SRPX: variants seen among roughly 807,000 people sequenced by gnomAD.
The protein encoded by SRPX is sushi repeat containing protein X-linked, also known as sushi repeat-containing protein SRPX.
Under a neutral mutation model 38.1 loss-of-function variants are expected in SRPX, and 24 were observed. The ratio of observed to expected loss-of-function variants is 0.63; its 90% confidence interval spans 0.46 to 0.89. The LOEUF is 0.89. SRPX is among the 40% of genes least tolerant of loss of function. The probability of loss-of-function intolerance (pLI) is 0.00; values close to 1 mark genes in which losing one functional copy is unlikely to be tolerated. For synonymous variants in SRPX, 184 were observed against 153.8 expected, an observed-to-expected ratio of 1.20 and a Z score of -1.45; for missense variants, 416 against 377.8, an observed-to-expected ratio of 1.10 and a Z score of -0.84.
chrX:38,205,105 G>C (rs140103002), intron 1 of SRPX, among the ~76,000 whole-genome samples: 1,340 of 112,273 alleles, frequency 0.012, 31 homozygotes, highest in African/African-American at 0.042. Flanking sequence ...AGCAATTTGC[G>C]GGTGTCTGTC....
At chrX:38,187,223 T>C in intron 1 of SRPX, among the ~76,000 whole-genome samples, 2 of 112,352 alleles carry the variant, frequency 1.8e-5, no homozygotes, top group South Asian at 7.3e-4. Flanking sequence ...TGTAAAAATA[T>C]GACAAACTTA....
intron 1 of SRPX, among the ~76,000 whole-genome samples, chrX:38,202,698 C>T (rs1939134142): frequency 8.9e-6 from 1 of 111,999 alleles, no homozygotes; most frequent in South Asian, 3.7e-4. Flanking sequence ...ACAGCAGATA[C>T]TGTGTATAAC....
rs770522462 is a variant in SRPX, at chrX:38,154,570, C to A, written c.1103G>T (p.Gly368Val). 4.1e-6 allele frequency: 5 copies of A among 1,206,838 alleles called. No homozygotes were observed. In the African/African-American group the frequency reaches 8.8e-5, roughly 21 times the overall value. The change falls in exon 9 of 10, where the codon GGC (glycine) becomes GTC (valine). Residue 368 changes from glycine (G) to valine (V), a missense_variant. Transcript: ENST00000378533. ...CACGGTGATGTGTCGAAGATCAAGGCCACACTGTGCTTGCTGGGAAAAAGA... is the reference window on the plus strand; with the variant it reads ...CACGGTGATGTGTCGAAGATCAAGGACACACTGTGCTTGCTGGGAAAAAGA... ...QLGMLQQAQC[G>V]LDLRHITVVE...
intron 1 of SRPX, among the ~76,000 whole-genome samples, chrX:38,190,838 C>T (rs1938887884): frequency 9.0e-6 from 1 of 111,634 alleles, no homozygotes; most frequent in African/African-American, 3.3e-5. Flanking sequence ...CATTATTCCT[C>T]ATACCTATGT....
At chrX:38,160,863 G>A in intron 6 of SRPX, 70 bp downstream of exon 6, 5 of 1,157,618 alleles carry the variant, frequency 4.3e-6, no homozygotes, top group Non-Finnish European at 5.8e-6. Flanking sequence ...GAGAGTTCTG[G>A]CTTGAGGACC....
At chrX:38,150,217 G>T (rs966458546) in intron 9 of SRPX, among the ~76,000 whole-genome samples, 16 of 112,432 alleles carry the variant, frequency 1.4e-4, no homozygotes, top group African/African-American at 5.2e-4. Flanking sequence ...TAGTCAGGAA[G>T]ACTTCAGGCG....
Position 38,164,883 on chromosome X carries a change from G to A in SRPX, c.539C>T (p.Pro180Leu), listed in dbSNP as rs780152242. The A allele has an allele frequency of 1.7e-6, 2 of 1,209,470 alleles. No individual in the cohort carries two copies. Among genetic ancestry groups the A allele is most frequent in the Admixed American group, 2.2e-5 (1 of 45,754 alleles). ...CTTCACACTTGGGCACTTGATTCTA[G>A]GAGGTTCCATATCTGAAAATATAAC... ...RPASCVDMEP[P>L]RIKCPSVKER... is the part of the protein sequence containing the mutation. Residue 180 changes from proline (P) to leucine (L), a missense_variant, in exon 5 of 10, where the codon CCT becomes CTT. By Grantham distance (98) the Pro-to-Leu change is moderately conservative. Transcript: ENST00000378533.
chrX:38,203,492 T>A (rs941930113), intron 1 of SRPX, among the ~76,000 whole-genome samples: 1 of 112,863 alleles, frequency 8.9e-6, no homozygotes. Flanking sequence ...AATAAACCTG[T>A]CTCTGGCCAG....
At chrX:38,175,517 CT>C (rs1195953221) in intron 2 of SRPX, among the ~76,000 whole-genome samples, 10 of 108,626 alleles carry the variant, frequency 9.2e-5, no homozygotes, top group South Asian at 7.9e-4. Context: ...AATACTTTCT[CT>C]TTTTTTTTTC....
At chrX:38,172,856 T>C (rs766116365) in intron 3 of SRPX, among the ~76,000 whole-genome samples, 6 of 112,803 alleles carry the variant, frequency 5.3e-5, no homozygotes, top group Non-Finnish European at 9.4e-5. Flanking sequence ...TCACAGGAGA[T>C]GCTTTCTCTT....
intron 5 of SRPX, among the ~76,000 whole-genome samples, chrX:38,162,157 A>T (rs1447669490): frequency 1.8e-5 from 2 of 112,465 alleles, no homozygotes; most frequent in African/African-American, 6.5e-5. Flanking sequence ...AAGTGGATGT[A>T]ACCTTTCTGA....
intron 1 of SRPX, among the ~76,000 whole-genome samples, chrX:38,193,285 A>T (rs1938939873): frequency 8.9e-6 from 1 of 112,022 alleles, no homozygotes; most frequent in Non-Finnish European, 1.9e-5. Context: ...TGCAGCCCTA[A>T]CAAAACCTGT....
chrX:38,206,170 T>C (rs942544598), intron 1 of SRPX, among the ~76,000 whole-genome samples: 1 of 111,871 alleles, frequency 8.9e-6, no homozygotes, highest in Non-Finnish European at 1.9e-5. Context: ...CACGGGGAGA[T>C]GGAAAAGAGC....
intron 4 of SRPX, among the ~76,000 whole-genome samples, chrX:38,166,492 GATAAA>G (rs1221357339): frequency 6.3e-5 from 7 of 111,773 alleles, no homozygotes; most frequent in African/African-American, 2.3e-4. Context: ...TCTCAGAATT[GATAAA>G]ATAAAGTATA....
intron 1 of SRPX, among the ~76,000 whole-genome samples, chrX:38,183,234 A>T (rs1938706277): frequency 9.0e-6 from 1 of 110,559 alleles, no homozygotes. Context: ...TTGTATTTTT[A>T]CTAGAGACAG....
At chrX:38,159,911 G>A in intron 7 of SRPX, 106 bp downstream of exon 7, 3 of 884,747 alleles carry the variant, frequency 3.4e-6, no homozygotes, top group Non-Finnish European at 4.7e-6. Flanking sequence ...AAAGAGGGAT[G>A]GCCATGAACT....
chrX:38,199,432 A>C (rs1004213915), intron 1 of SRPX, among the ~76,000 whole-genome samples: 1 of 110,186 alleles, frequency 9.1e-6, no homozygotes, highest in Non-Finnish European at 1.9e-5. Flanking sequence ...TAATTAAAAA[A>C]AATAAAAAAA....
At chrX:38,183,862 C>T (rs1384678203) in intron 1 of SRPX, among the ~76,000 whole-genome samples, 1 of 111,938 alleles carries the variant, frequency 8.9e-6, no homozygotes, top group African/African-American at 3.2e-5. Context: ...ATGTAGGATT[C>T]TGTCTCTCAG....
chrX:38,218,504 C>T (rs5917551), intron 1 of SRPX, among the ~76,000 whole-genome samples: 41,845 of 110,726 alleles, frequency 0.38, 5,800 homozygotes, highest in Middle Eastern at 0.47. Context: ...ACTCCAGAGA[C>T]CTTCTAGGAG....
Sources: gnomAD v4.1 joint callset for allele counts (sites outside exome capture counted in the v4.1 genomes callset) on GRCh38, gnomAD v4.1.1 for gene constraint, MANE v1.5 for transcripts, NCBI Gene and HGNC (gene_info 2026-07-23, HGNC 2026-07-21) for gene names.